The following RBM10 variants were observed in gnomAD, a reference collection of about 807,000 sequenced individuals.
RBM10 encodes the protein RNA binding motif protein 10.
RBM10 carries 1 observed loss-of-function variant against 84.9 expected under a neutral mutation model. That is an observed-to-expected ratio of 0.01 (90% CI 0.00 to 0.06). The LOEUF (loss-of-function observed/expected upper bound fraction) is 0.06, where lower values mean the gene tolerates loss of function less well. Among genes scored for constraint, RBM10 ranks in the 10% least tolerant of loss-of-function variants. RBM10 has a pLI of 1.00. For synonymous variants in RBM10, 326 were observed against 344.5 expected (o/e 0.95, Z 0.60); for missense variants, 438 against 839.0 (o/e 0.52, Z 5.90).
chrX:47,151,792 A>G (rs1602494498), intron 2 of RBM10, among the ~76,000 whole-genome samples: 3 of 112,598 alleles, frequency 2.7e-5, no homozygotes, highest in Non-Finnish European at 5.6e-5. Context: ...TCCATTAAGT[A>G]TGGTGCATGC....
At chrX:47,160,165 A>G (rs6651655) in intron 2 of RBM10, among the ~76,000 whole-genome samples, 3,020 of 112,073 alleles carry the variant, frequency 0.027, 117 homozygotes, top group African/African-American at 0.093. Flanking sequence ...ATCCTAGAAG[A>G]AAACCTAGGA....
At chrX:47,166,473 T>C (rs73486228) in intron 2 of RBM10, among the ~76,000 whole-genome samples, 2,354 of 107,785 alleles carry the variant, frequency 0.022, 62 homozygotes, top group African/African-American at 0.075. Flanking sequence ...CTCTCTCTCT[T>C]TTTTTTTTTT....
Position 47,185,455 on chromosome X carries a change from G to T in RBM10, c.2180G>T (p.Gly727Val). The part of the protein sequence containing the change: ...ASDDRPSPPR[G>V]LVAAYSGESD... ...CACCCTCTACAGAGCCCTCCGCGAG[G>T]ACTGGTGGCAGCCTACAGCGGGGAG... The change falls in exon 20 of 24, where the codon GGA becomes GTA. Residue 727 changes from glycine to valine, a missense_variant. Gly to Val is a moderately radical substitution (Grantham distance 109). Coordinates refer to ENST00000377604, the MANE Select transcript of RBM10 (RefSeq NM_005676.5). 1 of 1,173,602 alleles carries T rather than the reference G, an allele frequency of 8.5e-7. No individual in the cohort carries two copies. The highest frequency in any genetic ancestry group is 1.1e-6 in the Non-Finnish European group (1 of 875,987).
intron 2 of RBM10, chrX:47,156,991 C>T (rs948330348): frequency 1.1e-5 from 3 of 277,394 alleles, no homozygotes; most frequent in Non-Finnish European, 2.1e-5. Context: ...GCTGGGAAGG[C>T]GTTGATGTCG....
At chrX:47,152,675 G>T (rs1349479988) in intron 2 of RBM10, among the ~76,000 whole-genome samples, 1 of 106,758 alleles carries the variant, frequency 9.4e-6, no homozygotes, top group Admixed American at 1.0e-4. Flanking sequence ...TCAAACTCCT[G>T]ACCTCAGGTG....
intron 1 of RBM10, among the ~76,000 whole-genome samples, chrX:47,146,621 G>A (rs978199542): frequency 9.0e-6 from 1 of 111,206 alleles, no homozygotes; most frequent in East Asian, 2.8e-4. Flanking sequence ...CAATAGAAGA[G>A]CACAGTGGTT....
intron 2 of RBM10, among the ~76,000 whole-genome samples, chrX:47,166,706 C>T (rs1480523189): frequency 9.1e-6 from 1 of 109,546 alleles, no homozygotes; most frequent in Non-Finnish European, 1.9e-5. Context: ...GTCTTGGCCT[C>T]GAGCAATCCT....
chrX:47,173,924 T>TCTCTCTCTCTCTCTCTCC (rs1934889122), intron 5 of RBM10, among the ~76,000 whole-genome samples: 1 of 98,941 alleles, frequency 1.0e-5, no homozygotes, highest in African/African-American at 3.9e-5. Flanking sequence ...TCTCTCTCTC[T>TCTCTCTCTCTCTCTCTCC]CTCTCTCTCT....
chrX:47,181,163 C>T (rs1935497602), intron 12 of RBM10, 52 bp from the exon 13 acceptor site: 2 of 119,195 alleles, frequency 1.7e-5, no homozygotes, highest in South Asian at 1.8e-4. Flanking sequence ...GTTCCCCACC[C>T]CCCACCCCCA....
At chrX:47,160,320 G>A (rs1382258101) in intron 2 of RBM10, among the ~76,000 whole-genome samples, 1 of 112,141 alleles carries the variant, frequency 8.9e-6, no homozygotes, top group African/African-American at 3.2e-5. Flanking sequence ...TAAATGGACA[G>A]CCTACAGAAT....
intron 10 of RBM10, 66 bp from the exon 11 acceptor site, chrX:47,180,146 C>T (rs1440697045): frequency 1.1e-5 from 13 of 1,178,428 alleles, no homozygotes; most frequent in East Asian, 3.0e-5. Flanking sequence ...GCCTGGAAAT[C>T]GGGCAATGGA....
intron 2 of RBM10, chrX:47,158,067 C>T (rs960504861): frequency 1.1e-5 from 2 of 180,758 alleles, no homozygotes; most frequent in Non-Finnish European, 2.1e-5. Flanking sequence ...TGAGCCACCG[C>T]GCCCGGCCTC....
rs2147213678 is a variant in RBM10, at chrX:47,185,336, A to C, written c.2135A>C (p.Asp712Ala). The change falls in exon 19 of 24, where the codon GAT (aspartate) becomes GCT (alanine). Residue 712 changes from aspartate to alanine, a missense_variant. Coordinates refer to ENST00000377604, the MANE Select transcript of RBM10 (RefSeq NM_005676.5). The part of the protein sequence containing the change: ...ALAERQHTSM[D>A]LPKLASDDRP... Reference sequence around the variant, plus strand: ...GCCGAGAGACAGCACACCAGCATGGATCTCCCGAAATTGGCCAGTGACGAC... The same window carrying C: ...GCCGAGAGACAGCACACCAGCATGGCTCTCCCGAAATTGGCCAGTGACGAC... 1 of 1,207,981 alleles carries C rather than the reference A, an allele frequency of 8.3e-7. No individual in the cohort carries two copies. Among genetic ancestry groups the C allele is most frequent in the Middle Eastern group, 2.3e-4 (1 of 4,351 alleles).
At chrX:47,145,603 A>G (rs1484089414) in intron 1 of RBM10, 118 bp downstream of exon 1, 4 of 403,615 alleles carry the variant, frequency 9.9e-6, no homozygotes, top group Non-Finnish European at 1.4e-5. Context: ...GGTTGGTGCA[A>G]TGTCTCAACC....
At chrX:47,170,326 G>A (rs1556771958) in intron 3 of RBM10, among the ~76,000 whole-genome samples, 1 of 113,741 alleles carries the variant, frequency 8.8e-6, no homozygotes, top group African/African-American at 3.2e-5. Context: ...GGGTGGGAAT[G>A]GAGCACCAAG....
At chrX:47,146,806 G>A (rs1477117868) in intron 1 of RBM10, among the ~76,000 whole-genome samples, 1 of 111,284 alleles carries the variant, frequency 9.0e-6, no homozygotes, top group African/African-American at 3.3e-5. Flanking sequence ...CAGCTGTCTC[G>A]TCGCCAAGTT....
intron 2 of RBM10, among the ~76,000 whole-genome samples, chrX:47,152,774 GAC>G (rs370048928): frequency 0.27 from 21,974 of 80,009 alleles, 2,673 homozygotes; most frequent in Admixed American, 0.34. Flanking sequence ...TCTTTACATA[GAC>G]ACACACACAC....
intron 6 of RBM10, among the ~76,000 whole-genome samples, chrX:47,175,865 C>T (rs782350521): frequency 9.1e-6 from 1 of 109,917 alleles, no homozygotes; most frequent in Admixed American, 9.6e-5. Context: ...CTGCCCAGAT[C>T]CCTGGTGTAG....
In RBM10 at chrX:47,182,157, C is replaced by G; in HGVS notation, c.1786-5C>G. ...CACATCCCCTCTTCCCTCCTCCTCC[C>G]TCAGTATTACTACAATGCTCAGAGC... On this transcript the variant is annotated splice_region_variant and splice_polypyrimidine_tract_variant and intron_variant, in intron 16 of 23. Transcript: ENST00000377604. The G allele has an allele frequency of 8.3e-7, 1 of 1,211,760 alleles. No individual in the cohort carries two copies. The highest frequency in any genetic ancestry group is 1.1e-6 in the Non-Finnish European group (1 of 895,554).
Sources: allele counts gnomAD v4.1 joint callset (sites outside exome capture counted in the v4.1 genomes callset), GRCh38; gene constraint gnomAD v4.1.1; transcripts MANE v1.5; gene names NCBI Gene and HGNC (gene_info 2026-07-23, HGNC 2026-07-21).